Variants in GSG1L observed in about 807,000 individuals in gnomAD.
GSG1L encodes the protein germ cell-specific gene 1-like protein.
In GSG1L, 24 loss-of-function variants were observed where a neutral mutation model predicts 42.1. The ratio of observed to expected loss-of-function variants is 0.57; its 90% CI spans 0.41 to 0.80. The LOEUF (loss-of-function observed/expected upper bound fraction) is 0.80. GSG1L is among the 30% of genes least tolerant of loss of function. GSG1L has a pLI of 0.00. For synonymous variants in GSG1L, 215 were observed against 203.5 expected (o/e 1.06, Z -0.48); for missense variants, 445 against 472.2 (o/e 0.94, Z 0.53).
At chr16:27,945,238 A>G (rs1294191808) in intron 2 of GSG1L, among the ~76,000 whole-genome samples, 1 of 152,210 alleles carries the variant, frequency 6.6e-6, no homozygotes, top group Middle Eastern at 3.2e-3. Context: ...ACTAAAAACC[A>G]CTGAATTATA....
intron 1 of GSG1L, among the ~76,000 whole-genome samples, chr16:28,043,394 T>C (rs561243887): frequency 2.0e-5 from 3 of 152,284 alleles, no homozygotes; most frequent in African/African-American, 7.2e-5. Context: ...CATTCAGAGG[T>C]ACCAACAGCT....
chr16:27,943,821 C>T (rs922233618), intron 2 of GSG1L, among the ~76,000 whole-genome samples: 9 of 151,940 alleles, frequency 5.9e-5, no homozygotes, highest in Non-Finnish European at 8.8e-5. Context: ...ATCCTCCATC[C>T]GTCTTTGCCT....
At chr16:27,807,869 C>A (rs146222643) in intron 5 of GSG1L, among the ~76,000 whole-genome samples, 3 of 152,050 alleles carry the variant, frequency 2.0e-5, no homozygotes, top group African/African-American at 7.2e-5. Flanking sequence ...AAATTATTTG[C>A]GAATGGTATA....
chr16:27,959,146 C>G (rs1189354572), intron 2 of GSG1L, among the ~76,000 whole-genome samples: 1 of 151,160 alleles, frequency 6.6e-6, no homozygotes, highest in African/African-American at 2.4e-5. Context: ...ATTGGGGTTT[C>G]CTAGGTAGCT....
chr16:27,920,041 G>A (rs1406498166), intron 2 of GSG1L, among the ~76,000 whole-genome samples: 1 of 152,130 alleles, frequency 6.6e-6, no homozygotes, highest in Non-Finnish European at 1.5e-5. Flanking sequence ...CTTGTGGCTC[G>A]GTCAGAATGT....
Position 28,040,753 on chromosome 16 carries a change from GCCC to G in GSG1L, c.349+22320_349+22322del, listed in dbSNP as rs2086096368. Reference sequence around the variant, plus strand: ...GGGGGAACTTGCAGGTGGCTCTGGAGCCCCACATGCCCGCCCCAGGCAGGGTAG... The same window carrying G: ...GGGGGAACTTGCAGGTGGCTCTGGAGCACATGCCCGCCCCAGGCAGGGTAG... On this transcript the variant is annotated intron_variant, in intron 1 of 6. Transcript: ENST00000447459. This position sits in a 1 kb window ranked among gnomAD's most constrained non-coding sequence, Gnocchi z 4.1. 6.6e-6 allele frequency among the ~76,000 whole-genome samples: 1 copy of G among 152,316 alleles called. No individual in the cohort carries two copies. The highest frequency in any genetic ancestry group is 1.9e-4 in the East Asian group (1 of 5,168).
intron 1 of GSG1L, among the ~76,000 whole-genome samples, chr16:28,035,246 A>G (rs975565723): frequency 2.0e-5 from 3 of 152,174 alleles, no homozygotes; most frequent in African/African-American, 7.2e-5. Flanking sequence ...GCTGGTCTCA[A>G]GCAATCCTCC....
At chr16:27,857,101 C>A (rs572360832) in intron 3 of GSG1L, among the ~76,000 whole-genome samples, 27 of 152,252 alleles carry the variant, frequency 1.8e-4, no homozygotes, top group African/African-American at 6.0e-4. Context: ...ACTAGACGCA[C>A]CCTGTTTGAG....
intron 6 of GSG1L, among the ~76,000 whole-genome samples, chr16:27,799,252 A>C (rs1025360264): frequency 6.6e-6 from 1 of 150,746 alleles, no homozygotes; most frequent in Non-Finnish European, 1.5e-5. Flanking sequence ...AAAAAAAATT[A>C]ACTGGGCTTG....
At chr16:27,859,929 G>A (rs8057658) in intron 3 of GSG1L, among the ~76,000 whole-genome samples, 2 of 151,762 alleles carry the variant, frequency 1.3e-5, no homozygotes, top group African/African-American at 2.4e-5. Flanking sequence ...CAGCTCTCCC[G>A]CCTCTGCCTC....
chr16:27,898,998 C>T (rs758996380), intron 2 of GSG1L, among the ~76,000 whole-genome samples: 6 of 152,144 alleles, frequency 3.9e-5, no homozygotes, highest in Admixed American at 1.3e-4. Context: ...AGGGCTACAG[C>T]CCAGGGAACC....
chr16:27,856,230 T>G (rs898578260), intron 3 of GSG1L, among the ~76,000 whole-genome samples: 4 of 152,082 alleles, frequency 2.6e-5, no homozygotes, highest in African/African-American at 9.7e-5. Context: ...AATATCCTTG[T>G]GGTGGGGAGG....
intron 2 of GSG1L, among the ~76,000 whole-genome samples, chr16:27,915,690 C>T (rs926944976): frequency 2.6e-5 from 4 of 152,100 alleles, no homozygotes; most frequent in Non-Finnish European, 4.4e-5. Context: ...AGGGGAGGAT[C>T]GCTTGAGCCC....
At chr16:27,946,682 AAGAAAG>A (rs1567530181) in intron 2 of GSG1L, among the ~76,000 whole-genome samples, 10 of 149,142 alleles carry the variant, frequency 6.7e-5, no homozygotes, top group African/African-American at 2.2e-4. Context: ...GAAAGAAAGA[AAGAAAG>A]AAAGAATTAA....
chr16:27,843,214 G>A (rs951501500), intron 4 of GSG1L, among the ~76,000 whole-genome samples: 1 of 152,108 alleles, frequency 6.6e-6, no homozygotes, highest in African/African-American at 2.4e-5. Flanking sequence ...GGACAATTGT[G>A]GTCTCTGTCT....
At chr16:27,820,221 G>A (rs2083136848) in intron 5 of GSG1L, among the ~76,000 whole-genome samples, 1 of 152,204 alleles carries the variant, frequency 6.6e-6, no homozygotes, top group South Asian at 2.1e-4. Context: ...GGCATCGGGT[G>A]GGGCGGAGCG....
At chr16:28,048,071 A>G (rs1200147341) in intron 1 of GSG1L, among the ~76,000 whole-genome samples, 1 of 151,694 alleles carries the variant, frequency 6.6e-6, no homozygotes, top group East Asian at 1.9e-4. Context: ...AAAAAAAAAA[A>G]AATTTTAATT....
At chr16:27,979,733 A>C (rs1446519571) in intron 1 of GSG1L, among the ~76,000 whole-genome samples, 1 of 65,328 alleles carries the variant, frequency 1.5e-5, no homozygotes, top group Non-Finnish European at 3.3e-5. Context: ...GAAGGAAAGA[A>C]AAAGAAAGAA....
chr16:27,894,638 T>C (rs911703118), intron 2 of GSG1L, among the ~76,000 whole-genome samples: 1 of 152,044 alleles, frequency 6.6e-6, no homozygotes, highest in East Asian at 1.9e-4. Flanking sequence ...GCAGCTGCTG[T>C]TTGCAAAATG....
Sources: gnomAD v4.1 joint callset for allele counts (sites outside exome capture counted in the v4.1 genomes callset) on GRCh38, gnomAD v4.1.1 for gene constraint, Gnocchi (gnomAD v3.1) non-coding constraint, MANE v1.5 for transcripts, NCBI Gene and HGNC (gene_info 2026-07-23, HGNC 2026-07-21) for gene names.